Variants in AXDND1 observed in about 807,000 individuals in gnomAD.
AXDND1 encodes the protein axonemal dynein light chain domain-containing protein 1.
A neutral mutation model predicts 137.5 loss-of-function variants in AXDND1; 110 were observed. That is an observed-to-expected ratio of 0.80 (90% CI 0.69 to 0.94). The LOEUF (loss-of-function observed/expected upper bound fraction) is 0.94, where lower values mean the gene tolerates loss of function less well. Ranked by LOEUF, AXDND1 falls within the 40% of genes least tolerant of loss-of-function variation. The pLI is 0.00. For synonymous variants in AXDND1, 414 were observed against 399.7 expected (o/e 1.04, Z -0.43); for missense variants, 1,191 against 1,169.8 (o/e 1.02, Z -0.26).
chr1:179,520,009 CT>C (rs35271258), intron 21 of AXDND1, among the ~76,000 whole-genome samples: 80,345 of 152,028 alleles, frequency 0.53, 21,308 homozygotes, highest in East Asian at 0.56. Flanking sequence ...TTGATTCCTC[CT>C]TTTTATGAGT....
intron 16 of AXDND1, among the ~76,000 whole-genome samples, chr1:179,462,124 A>C (rs4651034): frequency 0.31 from 46,911 of 151,762 alleles, 7,413 homozygotes; most frequent in Non-Finnish European, 0.33. Flanking sequence ...GTCTTGTGCC[A>C]GTTTTCAAAG....
At chr1:179,522,161 A>G (rs1485040300) in intron 21 of AXDND1, among the ~76,000 whole-genome samples, 1 of 151,900 alleles carries the variant, frequency 6.6e-6, no homozygotes, top group Non-Finnish European at 1.5e-5. Flanking sequence ...ATGTCTCTTA[A>G]CCTTCTTTCA....
At chr1:179,384,056 A>G (rs1351267587) in intron 8 of AXDND1, among the ~76,000 whole-genome samples, 3 of 152,062 alleles carry the variant, frequency 2.0e-5, no homozygotes, top group Admixed American at 6.6e-5. Flanking sequence ...CTACTTAAGA[A>G]AGAACTCTTT....
At position 179,534,820 on chromosome 1, in the gene AXDND1, A is replaced by G. The variant is rs761480712; in HGVS notation, c.2889A>G (p.Leu963=). ...LHHTLIKNKD[L]EELVMTSRKE... ...ATACCCTTATAAAAAATAAAGATCT[A>G]GAGGAATTAGTCATGACATCAAGAA... The change falls in exon 25 of 26, where the codon CTA becomes CTG. Residue 963 remains leucine (L), a synonymous_variant. Transcript: ENST00000367618. The G allele has an allele frequency of 1.2e-6, 2 of 1,609,480 alleles. No homozygotes were observed. The highest frequency in any genetic ancestry group is 2.2e-5 in the South Asian group (2 of 89,232).
At chr1:179,418,944 G>A (rs908161846) in intron 12 of AXDND1, among the ~76,000 whole-genome samples, 4 of 151,544 alleles carry the variant, frequency 2.6e-5, no homozygotes, top group East Asian at 1.9e-4. Flanking sequence ...AGACGGGGTC[G>A]CCGCCGGGCA....
intron 9 of AXDND1, among the ~76,000 whole-genome samples, chr1:179,393,461 G>T (rs1201865238): frequency 6.6e-6 from 1 of 151,214 alleles, no homozygotes; most frequent in Non-Finnish European, 1.5e-5. Context: ...GTCTTTTTTG[G>T]TTCCATATGA....
At chr1:179,423,924 A>G (rs1047052130) in intron 12 of AXDND1, among the ~76,000 whole-genome samples, 2 of 152,142 alleles carry the variant, frequency 1.3e-5, no homozygotes, top group Non-Finnish European at 2.9e-5. Context: ...TTGTCTGTGT[A>G]GATCATTTTA....
intron 11 of AXDND1, among the ~76,000 whole-genome samples, chr1:179,397,547 G>C (rs1486364361): frequency 6.6e-6 from 1 of 152,172 alleles, no homozygotes; most frequent in Non-Finnish European, 1.5e-5. Flanking sequence ...CTACGTTGGG[G>C]AAATCCTCAT....
chr1:179,406,196 T>G (rs1322531618), intron 11 of AXDND1, among the ~76,000 whole-genome samples: 1 of 152,184 alleles, frequency 6.6e-6, no homozygotes, highest in East Asian at 1.9e-4. Flanking sequence ...ATTTCTAGTT[T>G]TACTTCATTG....
intron 8 of AXDND1, 115 bp from the exon 9 acceptor site, chr1:179,385,123 A>G (rs1648993688): frequency 8.0e-6 from 7 of 879,944 alleles, no homozygotes; most frequent in Non-Finnish European, 1.0e-5. Context: ...AATGTAAGTG[A>G]AATAAATTAA....
intron 11 of AXDND1, among the ~76,000 whole-genome samples, chr1:179,408,857 T>C (rs1158187830): frequency 6.6e-6 from 1 of 151,972 alleles, no homozygotes; most frequent in Non-Finnish European, 1.5e-5. Context: ...GGGTAAAATT[T>C]TTTTTTTCCC....
intron 9 of AXDND1, among the ~76,000 whole-genome samples, chr1:179,387,955 T>C (rs1649498763): frequency 1.3e-5 from 2 of 152,202 alleles, no homozygotes; most frequent in African/African-American, 4.8e-5. Context: ...CTTGTATAAC[T>C]CTTTTCTCTC....
At chr1:179,434,795 A>AT (rs1657903571) in intron 15 of AXDND1, among the ~76,000 whole-genome samples, 1 of 151,078 alleles carries the variant, frequency 6.6e-6, no homozygotes, top group Non-Finnish European at 1.5e-5. Context: ...AGACAAGGGT[A>AT]CCCTCTCACC....
intron 16 of AXDND1, chr1:179,447,716 T>C: frequency 7.4e-7 from 1 of 1,346,360 alleles, no homozygotes; most frequent in South Asian, 1.2e-5. Context: ...GGCATGACTT[T>C]ACCTAAACTA....
intron 6 of AXDND1, among the ~76,000 whole-genome samples, chr1:179,381,551 C>T (rs987328396): frequency 6.6e-6 from 1 of 151,658 alleles, no homozygotes; most frequent in African/African-American, 2.4e-5. Flanking sequence ...GCCATGTTGG[C>T]CAGGCTGGTC....
chr1:179,415,396 C>T (rs1458658858), intron 12 of AXDND1, among the ~76,000 whole-genome samples: 1 of 152,058 alleles, frequency 6.6e-6, no homozygotes, highest in East Asian at 1.9e-4. Flanking sequence ...AAAAAGATAA[C>T]TAAAAAGTAA....
chr1:179,547,837 A>C (rs958054679), intron 25 of AXDND1, among the ~76,000 whole-genome samples: 3 of 152,168 alleles, frequency 2.0e-5, no homozygotes, highest in African/African-American at 7.2e-5. Context: ...CAGATCCTGG[A>C]GTTCACAAGG....
At chr1:179,481,623 T>C (rs1665396938) in intron 17 of AXDND1, among the ~76,000 whole-genome samples, 1 of 152,184 alleles carries the variant, frequency 6.6e-6, no homozygotes, top group Non-Finnish European at 1.5e-5. Flanking sequence ...TGTTCCTATT[T>C]CCCCACATCC....
chr1:179,524,619 A>G (rs1670369504), intron 21 of AXDND1, among the ~76,000 whole-genome samples: 1 of 152,150 alleles, frequency 6.6e-6, no homozygotes, highest in Non-Finnish European at 1.5e-5. Context: ...GTGTCATTCA[A>G]GATGCACATT....
Sources: allele counts gnomAD v4.1 joint callset (sites outside exome capture counted in the v4.1 genomes callset), GRCh38; gene constraint gnomAD v4.1.1; transcripts MANE v1.5; gene names NCBI Gene and HGNC (gene_info 2026-07-23, HGNC 2026-07-21).